Variants in ACRBP observed in about 807,000 individuals in gnomAD.
ACRBP encodes the protein acrosin binding protein, also known as acrosin-binding protein.
In ACRBP, 52 loss-of-function variants were observed where a neutral mutation model predicts 69.0. That is an observed-to-expected ratio of 0.75 (90% CI 0.60 to 0.95). ACRBP has a LOEUF of 0.95. Among genes scored for constraint, ACRBP ranks in the 40% least tolerant of loss-of-function variants. ACRBP has a pLI of 0.00. For missense variants in ACRBP, 604 were observed against 673.0 expected, an observed-to-expected ratio of 0.90 and a Z score of 1.13; for synonymous variants, 267 against 258.9, an observed-to-expected ratio of 1.03 and a Z score of -0.30.
chr12:6,641,029 T>C (rs901470271), intron 6 of ACRBP, among the ~76,000 whole-genome samples: 9 of 152,224 alleles, frequency 5.9e-5, no homozygotes, highest in Non-Finnish European at 4.4e-5. Context: ...GATACTAATA[T>C]TACTCTCATT....
rs571984630 is a variant in ACRBP, at chr12:6,638,177, G to A, written c.*105C>T. On this transcript the variant is annotated 3_prime_UTR_variant, in exon 10 of 10. Coordinates refer to ENST00000229243, the MANE Select transcript of ACRBP (RefSeq NM_032489.3). ...TCCAACCCAAGGAAATGTGAGTAGGGGCCGAGTAACAGACCCAGAAGGGGC... is the reference window on the plus strand; with the variant it reads ...TCCAACCCAAGGAAATGTGAGTAGGAGCCGAGTAACAGACCCAGAAGGGGC... 2.0e-6 allele frequency: 3 copies of A among 1,509,262 alleles called. No homozygotes were observed. The highest frequency in any genetic ancestry group is 2.8e-5 in the African/African-American group (2 of 72,370). The allele number at this position is 1,509,262 out of a possible 1,614,324, so 93.5% of individuals were successfully genotyped here.
At position 6,638,936 on chromosome 12, in the gene ACRBP, C is replaced by A; in HGVS notation, c.1509+18G>T. 1 of 1,612,232 alleles carries A rather than the reference C, an allele frequency of 6.2e-7. No homozygotes were observed. The highest frequency in any genetic ancestry group is 1.1e-5 in the South Asian group (1 of 91,012). Reference sequence around the variant, plus strand: ...GAGGGGGTGCTGGGAGAAGGAGGGGCAGGGCAGGGGTGCTCACCTTCCGAT... The same window carrying A: ...GAGGGGGTGCTGGGAGAAGGAGGGGAAGGGCAGGGGTGCTCACCTTCCGAT... On this transcript the variant is annotated intron_variant, in intron 9 of 9. Coordinates refer to ENST00000229243, the MANE Select transcript of ACRBP (RefSeq NM_032489.3).
chr12:6,639,523 T>G (rs1018836389), intron 8 of ACRBP, among the ~76,000 whole-genome samples: 1 of 152,186 alleles, frequency 6.6e-6, no homozygotes, highest in Non-Finnish European at 1.5e-5. Flanking sequence ...TGCCCTTACT[T>G]TTCCTTGCCT....
chr12:6,643,591 G>A lies in ACRBP; in HGVS notation c.1025C>T (p.Thr342Ile). The A allele has an allele frequency of 1.2e-6, 2 of 1,614,248 alleles. No homozygotes were observed. The highest frequency in any genetic ancestry group is 1.7e-6 in the Non-Finnish European group (2 of 1,180,052). Residue 342 changes from threonine to isoleucine, a missense_variant, in exon 6 of 10, where the codon ACA becomes ATA. Coordinates refer to ENST00000229243, the MANE Select transcript of ACRBP (RefSeq NM_032489.3). Reference sequence around the variant, plus strand: ...CTCCATGTACTTCCAGGCCTTGGCTGTGGGGGTTATGATGCAGGTATTCTC... The same window carrying A: ...CTCCATGTACTTCCAGGCCTTGGCTATGGGGGTTATGATGCAGGTATTCTC... ...IVENTCIITPTAKAWKYMEEE... is the reference protein window; with the variant it reads ...IVENTCIITPIAKAWKYMEEE...
chr12:6,641,406 A>G (rs1333590299), intron 6 of ACRBP, among the ~76,000 whole-genome samples: 1 of 152,182 alleles, frequency 6.6e-6, no homozygotes, highest in African/African-American at 2.4e-5. Context: ...GTCCCTGGCC[A>G]GAAATCTTTA....
chr12:6,646,938 G>T lies in ACRBP; in HGVS notation c.118C>A (p.Pro40Thr). 1 of 1,613,846 alleles carries T rather than the reference G, an allele frequency of 6.2e-7. No individual in the cohort carries two copies. The highest frequency in any genetic ancestry group is 8.5e-7 in the Non-Finnish European group (1 of 1,180,022). ...GCGAAGAAGCGTTCGTATTCGGTAG[G>T]AGAGAGAGGGCTGCCTGGAGTGGAG... The part of the protein sequence containing the change: ...QASTPGSPLS[P>T]TEYERFFALL... Residue 40 changes from proline to threonine, a missense_variant, in exon 2 of 10, where the codon CCT becomes ACT. By Grantham distance (38) the Pro-to-Thr change is conservative (BLOSUM62 -1). Coordinates refer to ENST00000229243, the MANE Select transcript of ACRBP (RefSeq NM_032489.3).
At chr12:6,643,279 T>C (rs1949066239) in intron 6 of ACRBP, among the ~76,000 whole-genome samples, 1 of 151,938 alleles carries the variant, frequency 6.6e-6, no homozygotes, top group Non-Finnish European at 1.5e-5. Flanking sequence ...GAGTGAAATC[T>C]GGAAGCCTGG....
At chr12:6,647,088 A>C in intron 1 of ACRBP, 76 bp from the exon 2 acceptor site, 1 of 1,363,572 alleles carries the variant, frequency 7.3e-7, no homozygotes, top group Non-Finnish European at 1.0e-6. Flanking sequence ...ACAGACCCAG[A>C]CTGGCAAATT....
chr12:6,643,781 C>T, intron 5 of ACRBP, 110 bp from the exon 6 acceptor site: 2 of 1,438,620 alleles, frequency 1.4e-6, no homozygotes, highest in South Asian at 2.6e-5. Flanking sequence ...ACACATTCAG[C>T]ATGCTTAGCA....
In ACRBP at chr12:6,645,219, C is replaced by T. The variant is rs2136251448; in HGVS notation, c.475+1G>A. 6.2e-7 allele frequency: 1 copy of T among 1,610,534 alleles called. No homozygotes were observed. The highest frequency in any genetic ancestry group is 8.5e-7 in the Non-Finnish European group (1 of 1,177,324). ...TCTCCCGGCTGCTGAGAGGGTCTCA[C>T]CTGTGAAGTGGGGTGAGATGGGGGA... On this transcript the variant is annotated splice_donor_variant, in intron 4 of 9. Transcript: ENST00000229243. LOFTEE classifies it high-confidence loss of function.
At position 6,639,015 on chromosome 12, in the gene ACRBP, T is replaced by A. The variant is rs1949031755; in HGVS notation, c.1448A>T (p.Gln483Leu). Reference sequence around the variant, plus strand: ...TTTGAAGGAACAGTAGTTTGGGTACTGGATATAGTCTGTGTCACAAATCTA... The same window carrying A: ...TTTGAAGGAACAGTAGTTTGGGTACAGGATATAGTCTGTGTCACAAATCTA... The part of the protein sequence containing the change: ...PTKICDTDYI[Q>L]YPNYCSFKSQ... The change falls in exon 9 of 10, where the codon CAG (glutamine) becomes CTG (leucine). Residue 483 changes from glutamine (Q) to leucine (L), a missense_variant. Physicochemically the swap from Gln to Leu is moderately radical, Grantham distance 113. Coordinates refer to ENST00000229243, the MANE Select transcript of ACRBP (RefSeq NM_032489.3). 1 of 1,614,174 alleles carries A rather than the reference T, an allele frequency of 6.2e-7. No individual in the cohort carries two copies. The highest frequency in any genetic ancestry group is 8.5e-7 in the Non-Finnish European group (1 of 1,180,008).
chr12:6,645,330 AG>A lies in ACRBP; in HGVS notation c.364del (p.Leu122CysfsTer17). 2 of 1,612,234 alleles carry A rather than the reference AG, an allele frequency of 1.2e-6. No homozygotes were observed. Among genetic ancestry groups the A allele is most frequent in the Non-Finnish European group, 1.7e-6 (2 of 1,178,558 alleles). ...GAGAATAGAGACTGGCTGGGAACACAGGACTCTCTGCAGGAAGAGAAGGAAA... is the reference window on the plus strand; with the variant it reads ...GAGAATAGAGACTGGCTGGGAACACAGACTCTCTGCAGGAAGAGAAGGAAA... ...SNHVYYAKRV[L>X]CSQPVSILSP... On this transcript the variant is annotated frameshift_variant, in exon 4 of 10. Transcript: ENST00000229243. LOFTEE classifies it high-confidence loss of function.
At position 6,640,305 on chromosome 12, in the gene ACRBP, G is replaced by A; in HGVS notation, c.1257+38C>T. On this transcript the variant is annotated intron_variant, in intron 7 of 9. Coordinates refer to ENST00000229243, the MANE Select transcript of ACRBP (RefSeq NM_032489.3). The surrounding 1 kb of genome is among the most constrained non-coding windows in gnomAD (Gnocchi z 5.3). ...ACCACCACCCCACCCCTGCCACCCA[G>A]TTCTGCCTTTCCCACTGCGGGCTGC... 1.3e-6 allele frequency: 2 copies of A among 1,588,178 alleles called. No homozygotes were observed. Among genetic ancestry groups the A allele is most frequent in the South Asian group, 1.1e-5 (1 of 90,718 alleles).
At chr12:6,641,160 C>T (rs889969895) in intron 6 of ACRBP, among the ~76,000 whole-genome samples, 2 of 152,202 alleles carry the variant, frequency 1.3e-5, no homozygotes, top group Non-Finnish European at 2.9e-5. Context: ...TATGCTCTAT[C>T]CAAGTACCTG....
chr12:6,645,730 G>A (rs1443680107), intron 3 of ACRBP, among the ~76,000 whole-genome samples: 1 of 147,620 alleles, frequency 6.8e-6, no homozygotes, highest in African/African-American at 2.5e-5. Context: ...GCGCGATCTC[G>A]GCTCACTGCA....
At chr12:6,639,950 A>T in intron 8 of ACRBP, 110 bp downstream of exon 8, 1 of 1,354,078 alleles carries the variant, frequency 7.4e-7, no homozygotes, top group Non-Finnish European at 1.0e-6. Context: ...GGGTTCTCAG[A>T]AGCCAGGGGC....
At chr12:6,638,462 G>A in intron 9 of ACRBP, 58 bp from the exon 10 acceptor site, 1 of 1,609,166 alleles carries the variant, frequency 6.2e-7, no homozygotes, top group Non-Finnish European at 8.5e-7. Flanking sequence ...CAGGAGTGGG[G>A]AGGAGGGGAG....
rs1284377274 is a variant in ACRBP at position 6,647,432 on chromosome 12, G to A, written c.-66C>T. The A allele has an allele frequency of 1.4e-6, 2 of 1,445,866 alleles. No homozygotes were observed. Among genetic ancestry groups the A allele is most frequent in the South Asian group, 1.3e-5 (1 of 74,502 alleles). 89.6% of individuals were successfully genotyped at this position (1,445,866 alleles called of 1,614,324 possible). Reference sequence around the variant, plus strand: ...CCTCTAACGGGCCAAGCCGCAGAGAGAGCCGCAGGCGCGGGGCGGGGCGCA... The same window carrying A: ...CCTCTAACGGGCCAAGCCGCAGAGAAAGCCGCAGGCGCGGGGCGGGGCGCA... On this transcript the variant is annotated 5_prime_UTR_variant, in exon 1 of 10. Transcript: ENST00000229243.
rs572201529 is a variant in ACRBP at position 6,644,537 on chromosome 12, A to G, written c.544T>C (p.Ser182Pro). Residue 182 changes from serine to proline, a missense_variant, in exon 5 of 10, where the codon TCC becomes CCC. Ser to Pro is a moderately conservative substitution (Grantham distance 74). This residue lies in a region of ACRBP where 532 missense variants were observed against 562.9 expected (regional missense o/e 0.95). Transcript: ENST00000229243. ...LSNNVEELLQ[S>P]SLSLGGQEQA... ...TCCTGGCCTCCCAGGGACAAGGAGG[A>G]TTGTAGGAGCTCTTCCACGTTGTTG... 1 of 1,613,870 alleles carries G rather than the reference A, an allele frequency of 6.2e-7. No homozygotes were observed. The highest frequency in any genetic ancestry group is 1.1e-5 in the South Asian group (1 of 91,052).
Sources: allele counts gnomAD v4.1 joint callset (sites outside exome capture counted in the v4.1 genomes callset), GRCh38; gene constraint gnomAD v4.1.1; regional missense constraint gnomAD v4.1.1; non-coding constraint Gnocchi (gnomAD v3.1); transcripts MANE v1.5; gene names NCBI Gene and HGNC (gene_info 2026-07-23, HGNC 2026-07-21).